The following DIAPH3 variants were observed in gnomAD, a reference collection of about 807,000 sequenced individuals.
DIAPH3 encodes protein diaphanous homolog 3.
DIAPH3 carries 117 observed loss-of-function variants against 144.3 expected under a neutral mutation model. That is an observed-to-expected ratio of 0.81 (90% CI 0.70 to 0.95). The LOEUF (loss-of-function observed/expected upper bound fraction) is 0.95, where lower values mean the gene tolerates loss of function less well. Ranked by LOEUF, DIAPH3 falls within the 40% of genes least tolerant of loss-of-function variation. The pLI is 0.00. For synonymous variants in DIAPH3, 519 were observed against 488.9 expected, an observed-to-expected ratio of 1.06 and a Z score of -0.81; for missense variants, 1,421 against 1,412.7, an observed-to-expected ratio of 1.01 and a Z score of -0.09.
intron 17 of DIAPH3, among the ~76,000 whole-genome samples, chr13:59,930,835 A>T (rs192970285): frequency 6.6e-6 from 1 of 152,300 alleles, no homozygotes; most frequent in East Asian, 1.9e-4. Flanking sequence ...TCCAAACGAA[A>T]GTCAATGGTA....
intron 22 of DIAPH3, among the ~76,000 whole-genome samples, chr13:59,859,411 G>A (rs2043446095): frequency 6.6e-6 from 1 of 151,880 alleles, no homozygotes; most frequent in African/African-American, 2.4e-5. Flanking sequence ...CCTTATCAAA[G>A]GTAAATATTT....
chr13:60,017,216 C>T (rs985420136), intron 5 of DIAPH3, among the ~76,000 whole-genome samples: 9 of 151,844 alleles, frequency 5.9e-5, no homozygotes, highest in African/African-American at 2.2e-4. Context: ...CCAGCCTGAC[C>T]AACATGGTGA....
chr13:60,127,710 T>C (rs1218888097), intron 2 of DIAPH3, among the ~76,000 whole-genome samples: 1 of 152,160 alleles, frequency 6.6e-6, no homozygotes. Context: ...TGATAAGTGT[T>C]TGTCAAAAGC....
intron 20 of DIAPH3, among the ~76,000 whole-genome samples, chr13:59,902,954 C>T (rs577422925): frequency 1.3e-5 from 2 of 152,122 alleles, no homozygotes; most frequent in East Asian, 1.9e-4. Flanking sequence ...ACCAAATGGC[C>T]ATCTAAAGCA....
chr13:59,826,272 C>T (rs1161211919), intron 24 of DIAPH3, among the ~76,000 whole-genome samples: 2 of 87,710 alleles, frequency 2.3e-5, no homozygotes, highest in East Asian at 4.1e-4. Flanking sequence ...GATTGTATAT[C>T]TAGAAAACCC....
intron 27 of DIAPH3, among the ~76,000 whole-genome samples, chr13:59,732,511 A>T (rs2138989670): frequency 6.6e-6 from 1 of 151,540 alleles, no homozygotes; most frequent in East Asian, 1.9e-4. Flanking sequence ...TGGCAATCAC[A>T]GCTCACTGCA....
chr13:59,738,010 T>C (rs2036246991), intron 27 of DIAPH3, among the ~76,000 whole-genome samples: 1 of 151,770 alleles, frequency 6.6e-6, no homozygotes, highest in South Asian at 2.1e-4. Flanking sequence ...TTACTAAAAA[T>C]ACAAAAATTA....
chr13:60,000,122 C>T (rs889351762), intron 9 of DIAPH3, among the ~76,000 whole-genome samples: 2 of 152,100 alleles, frequency 1.3e-5, no homozygotes, highest in Non-Finnish European at 2.9e-5. Flanking sequence ...ACATTTGGAA[C>T]ACAGATTTTC....
At chr13:59,848,163 A>C (rs1333667048) in intron 22 of DIAPH3, among the ~76,000 whole-genome samples, 1 of 151,826 alleles carries the variant, frequency 6.6e-6, no homozygotes, top group Non-Finnish European at 1.5e-5. Context: ...GAGTGGTTTT[A>C]CTCATTCTAC....
At chr13:59,976,213 G>A (rs1367078879) in intron 14 of DIAPH3, among the ~76,000 whole-genome samples, 1 of 151,726 alleles carries the variant, frequency 6.6e-6, no homozygotes, top group Non-Finnish European at 1.5e-5. Flanking sequence ...ATCACACTTA[G>A]CTATAATTCA....
intron 5 of DIAPH3, among the ~76,000 whole-genome samples, chr13:60,031,359 C>A (rs2054778837): frequency 6.6e-6 from 1 of 152,104 alleles, no homozygotes; most frequent in Non-Finnish European, 1.5e-5. Context: ...ACCTCCAGCA[C>A]TAGAGATTAC....
chr13:59,802,935 C>T (rs1184424063), intron 25 of DIAPH3, among the ~76,000 whole-genome samples: 2 of 151,572 alleles, frequency 1.3e-5, no homozygotes, highest in African/African-American at 2.4e-5. Context: ...CCACCCGCCT[C>T]GGCCTCCCAA....
intron 24 of DIAPH3, among the ~76,000 whole-genome samples, chr13:59,816,505 ATT>A (rs2040778525): frequency 6.6e-6 from 1 of 151,380 alleles, no homozygotes; most frequent in African/African-American, 2.4e-5. Context: ...TATCCTCAAT[ATT>A]ATTTATCTTC....
chr13:59,870,539 T>C (rs2044195096), intron 21 of DIAPH3, among the ~76,000 whole-genome samples: 1 of 152,170 alleles, frequency 6.6e-6, no homozygotes, highest in South Asian at 2.1e-4. Flanking sequence ...ACTGGGGCTC[T>C]ATTGAACCCA....
At chr13:60,089,384 A>C (rs2057855755) in intron 4 of DIAPH3, among the ~76,000 whole-genome samples, 1 of 152,230 alleles carries the variant, frequency 6.6e-6, no homozygotes, top group East Asian at 1.9e-4. Flanking sequence ...TCAAACCCTA[A>C]TAAAGAATGA....
chr13:59,748,382 C>T (rs1041372741), intron 27 of DIAPH3, among the ~76,000 whole-genome samples: 1 of 152,128 alleles, frequency 6.6e-6, no homozygotes, highest in African/African-American at 2.4e-5. Context: ...TGTGAAAACA[C>T]AAATACTCTC....
At chr13:59,734,308 G>A (rs993793441) in intron 27 of DIAPH3, among the ~76,000 whole-genome samples, 11 of 151,946 alleles carry the variant, frequency 7.2e-5, no homozygotes, top group African/African-American at 2.7e-4. Flanking sequence ...AGAGTACTGA[G>A]GGTGAAAAAA....
intron 27 of DIAPH3, among the ~76,000 whole-genome samples, chr13:59,741,225 A>C (rs1429164019): frequency 6.6e-6 from 1 of 152,184 alleles, no homozygotes; most frequent in Non-Finnish European, 1.5e-5. Flanking sequence ...TTTTTTCTTG[A>C]GTTTTCTTTC....
At chr13:60,056,642 G>T (rs1284215263) in intron 4 of DIAPH3, among the ~76,000 whole-genome samples, 1 of 151,802 alleles carries the variant, frequency 6.6e-6, no homozygotes, top group East Asian at 1.9e-4. Flanking sequence ...AGAAATGTCT[G>T]ACTCCAAGGC....
Sources: gnomAD v4.1 joint callset for allele counts (sites outside exome capture counted in the v4.1 genomes callset) on GRCh38, gnomAD v4.1.1 for gene constraint, MANE v1.5 for transcripts, NCBI Gene and HGNC (gene_info 2026-07-23, HGNC 2026-07-21) for gene names.